The following FAT2 variants were observed in gnomAD, a reference collection of about 807,000 sequenced individuals.
FAT2 encodes protocadherin Fat 2.
Under a neutral mutation model 295.3 loss-of-function variants are expected in FAT2, and 150 were observed. The ratio of observed to expected loss-of-function variants is 0.51; its 90% CI spans 0.44 to 0.58. The LOEUF (loss-of-function observed/expected upper bound fraction) is 0.58, where lower values mean the gene tolerates loss of function less well. Ranked by LOEUF, FAT2 falls within the 20% of genes least tolerant of loss-of-function variation. The pLI is 0.00. For synonymous variants in FAT2, 2,026 were observed against 2,150.3 expected (o/e 0.94, Z 1.60); for missense variants, 4,868 against 5,442.7 (o/e 0.89, Z 3.32).
chr5:151,571,478 T>C (rs542625412), intron 1 of FAT2, among the ~76,000 whole-genome samples: 1 of 152,210 alleles, frequency 6.6e-6, no homozygotes, highest in Non-Finnish European at 1.5e-5. Flanking sequence ...CTCTGCTCGA[T>C]GGCTGCACCG....
At position 151,566,226 on chromosome 5, in the gene FAT2, G is replaced by A. The variant is rs1004929668; in HGVS notation, c.2706C>T (p.Gly902=). The A allele has an allele frequency of 4.3e-6, 7 of 1,614,046 alleles. No homozygotes were observed. In the African/African-American group the frequency reaches 9.3e-5, roughly 22 times the overall value. The part of the protein sequence containing the change: ...KVEARDQPSK[G]HQLFSVTDLI... ...GGTCAGTGACAGAGAAGAGCTGGTGGCCTTTGCTGGGCTGATCCCTGGCCT... is the reference window on the plus strand; with the variant it reads ...GGTCAGTGACAGAGAAGAGCTGGTGACCTTTGCTGGGCTGATCCCTGGCCT... Residue 902 remains glycine (G), a synonymous_variant, in exon 2 of 24, where the codon GGC becomes GGT. Transcript: ENST00000261800.
In FAT2 at chr5:151,542,413, CG is replaced by C; in HGVS notation, c.8713del (p.Arg2905AspfsTer24). 1 of 1,614,148 alleles carries C rather than the reference CG, an allele frequency of 6.2e-7. No individual in the cohort carries two copies. The highest frequency in any genetic ancestry group is 8.5e-7 in the Non-Finnish European group (1 of 1,180,036). Reference protein sequence around the residue: ...SITDENDNAPRFASEEYRGSV... With the variant: ...SITDENDNAPXFASEEYRGSV... ...TCCTCTGTACTCTTCAGAAGCAAAT[CG>C]GGGAGCATTGTCATTCTCATCTGTA... On this transcript the variant is annotated frameshift_variant, in exon 10 of 24. Coordinates refer to ENST00000261800, the MANE Select transcript of FAT2 (RefSeq NM_001447.3). LOFTEE classifies it high-confidence loss of function.
chr5:151,506,036 G>T lies in FAT2; in HGVS notation c.12579C>A (p.Tyr4193Ter). Residue 4193 changes from tyrosine to a stop codon, truncating the protein, a stop_gained, in exon 24 of 24, where the codon TAC (tyrosine) becomes TAA (stop). Transcript: ENST00000261800. LOFTEE classifies it high-confidence loss of function. ...PTYSRNERWE[Y>*]PHSEVTQGPL... ...GGCCCTGAGTCACTTCGGAGTGGGG[G>T]TATTCCCAGCGTTCGTTCCTGGAGT... 1 of 1,567,446 alleles carries T rather than the reference G, an allele frequency of 6.4e-7. No homozygotes were observed. The highest frequency in any genetic ancestry group is 8.6e-7 in the Non-Finnish European group (1 of 1,161,806).
Position 151,567,760 on chromosome 5 carries a change from G to T in FAT2, c.1172C>A (p.Pro391His), listed in dbSNP as rs368986052. The change falls in exon 2 of 24, where the codon CCC (proline) becomes CAC (histidine). Residue 391 changes from proline to histidine, a missense_variant. Around this residue, in one of 5 missense-constraint regions of FAT2, gnomAD observed 3,297 missense variants for 3,669.4 expected, o/e 0.90. Transcript: ENST00000261800. ...VVMVRVTPAF[P>H]NLQYVLKPSS... ...TGGCTTTAGAACATACTGCAGGTTG[G>T]GGAAGGCTGGGGTGACTCTCACCAT... 3 of 1,614,032 alleles carry T rather than the reference G, an allele frequency of 1.9e-6. No homozygotes were observed. In the African/African-American group the frequency reaches 4.0e-5, roughly 22 times the overall value.
intron 9 of FAT2, among the ~76,000 whole-genome samples, chr5:151,547,187 G>GA (rs1044791027): frequency 5.9e-5 from 9 of 152,076 alleles, no homozygotes; most frequent in Admixed American, 5.2e-4. Flanking sequence ...AGAAGTCAAA[G>GA]AAAAAATACC....
At position 151,566,270 on chromosome 5, in the gene FAT2, G is replaced by A. The variant is rs776181007; in HGVS notation, c.2662C>T (p.Arg888Trp). The part of the protein sequence containing the change: ...TGHLDRESEP[R>W]YILKVEARDQ... Reference sequence around the variant, plus strand: ...CTGGCCTCCACCTTGAGTATGTACCGAGGCTCTGATTCGCGGTCCAGGTGT... The same window carrying A: ...CTGGCCTCCACCTTGAGTATGTACCAAGGCTCTGATTCGCGGTCCAGGTGT... The change falls in exon 2 of 24, where the codon CGG becomes TGG. Residue 888 changes from arginine (R) to tryptophan (W), a missense_variant. This residue lies in a region of FAT2 where 3,297 missense variants were observed against 3,669.4 expected (regional missense o/e 0.90). Coordinates refer to ENST00000261800, the MANE Select transcript of FAT2 (RefSeq NM_001447.3). 2.2e-5 allele frequency: 36 copies of A among 1,613,996 alleles called. 1 individual carries two copies. Among genetic ancestry groups the A allele is most frequent in the Middle Eastern group, 1.6e-4 (1 of 6,082 alleles).
At chr5:151,580,076 G>A (rs182560990) in intron 1 of FAT2, among the ~76,000 whole-genome samples, 1 of 152,174 alleles carries the variant, frequency 6.6e-6, no homozygotes, top group Non-Finnish European at 1.5e-5. Context: ...CCAGAAAAAG[G>A]AAGGGGTCAC....
In FAT2 at chr5:151,566,479, G is replaced by T; in HGVS notation, c.2453C>A (p.Pro818His). The T allele has an allele frequency of 1.9e-6, 3 of 1,613,808 alleles. No homozygotes were observed. The highest frequency in any genetic ancestry group is 2.5e-6 in the Non-Finnish European group (3 of 1,179,902). ...CTGGTACCCACCGGGAGGAAATCTG[G>T]GTGCGTTGTCATTCCAGTCTTTCAC... is the stretch of plus-strand genomic sequence containing the variant. ...VNVKDWNDNA[P>H]RFPPGGYQLT... is the part of the protein sequence containing the mutation. Residue 818 changes from proline to histidine, a missense_variant, in exon 2 of 24, where the codon CCC becomes CAC. Around this residue, in one of 5 missense-constraint regions of FAT2, gnomAD observed 3,297 missense variants for 3,669.4 expected, o/e 0.90. Transcript: ENST00000261800.
chr5:151,512,017 G>T lies in FAT2; in HGVS notation c.11905+148C>A. 1 of 675,484 alleles carries T rather than the reference G, an allele frequency of 1.5e-6. No individual in the cohort carries two copies. The highest frequency in any genetic ancestry group is 2.5e-6 in the Non-Finnish European group (1 of 393,708). The allele number at this position is 675,484 out of a possible 1,614,324, so 41.8% of individuals were successfully genotyped here. On this transcript the variant is annotated intron_variant, in intron 21 of 23. Coordinates refer to ENST00000261800, the MANE Select transcript of FAT2 (RefSeq NM_001447.3). The surrounding 1 kb of genome is among the most constrained non-coding windows in gnomAD (Gnocchi z 4.1). ...CCTGGCTTCCCCTAGTCTAGATATTGCAGATTCCAACCTGTTACTCACAAG... is the reference window on the plus strand; with the variant it reads ...CCTGGCTTCCCCTAGTCTAGATATTTCAGATTCCAACCTGTTACTCACAAG...
chr5:151,557,120 G>A (rs1757768167), intron 3 of FAT2, among the ~76,000 whole-genome samples: 1 of 152,154 alleles, frequency 6.6e-6, no homozygotes, highest in African/African-American at 2.4e-5. Context: ...TAGGGTTACT[G>A]GTGCACAAGG....
chr5:151,566,316 A>G lies in FAT2; in HGVS notation c.2616T>C (p.Thr872=). Residue 872 remains threonine (T), a synonymous_variant, in exon 2 of 24, where the codon ACT becomes ACC. Coordinates refer to ENST00000261800, the MANE Select transcript of FAT2 (RefSeq NM_001447.3). ...PTEKFSLHPL[T]GELVVTGHLD... The stretch of plus-strand genomic sequence containing the variant: ...GGTGTCCTGTAACAACCAGTTCCCC[A>G]GTGAGAGGGTGGAGGGAGAACTTCT... 1.2e-6 allele frequency: 2 copies of G among 1,613,964 alleles called. No homozygotes were observed. Among genetic ancestry groups the G allele is most frequent in the Non-Finnish European group, 1.7e-6 (2 of 1,179,976 alleles).
intron 12 of FAT2, among the ~76,000 whole-genome samples, chr5:151,536,622 G>T (rs1215426450): frequency 6.6e-6 from 1 of 152,218 alleles, no homozygotes; most frequent in Non-Finnish European, 1.5e-5. Context: ...GGCCTACCCT[G>T]CAGGAATCTC....
Position 151,568,104 on chromosome 5 carries a change from C to CAGT in FAT2, c.825_827dup (p.Leu276dup), listed in dbSNP as rs1418859250. On this transcript the variant is annotated inframe_insertion, in exon 2 of 24. Transcript: ENST00000261800. ...CAGCTCCTGAGCTATTTGCATCGAC[C>CAGT]AGTACAGTGGCATAGGTGGTACCAT... The CAGT allele has an allele frequency of 6.2e-7, 1 of 1,614,076 alleles. No individual in the cohort carries two copies. Among genetic ancestry groups the CAGT allele is most frequent in the Non-Finnish European group, 8.5e-7 (1 of 1,180,052 alleles).
chr5:151,505,356 T>G lies in FAT2; in HGVS notation c.*209A>C, dbSNP rs999788775. On this transcript the variant is annotated 3_prime_UTR_variant, in exon 24 of 24. Coordinates refer to ENST00000261800, the MANE Select transcript of FAT2 (RefSeq NM_001447.3). ...AAATGCCCCTCTCCTGGGACCCTAG[T>G]GCTGTTTCTGGAGCTCTATCCTCAG... is the stretch of plus-strand genomic sequence containing the variant. The G allele has an allele frequency of 1.6e-6, 1 of 622,682 alleles. No individual in the cohort carries two copies. The allele number at this position is 622,682 out of a possible 1,614,324, so 38.6% of individuals were successfully genotyped here.
At chr5:151,535,807 T>C (rs1206283943) in intron 12 of FAT2, among the ~76,000 whole-genome samples, 1 of 152,006 alleles carries the variant, frequency 6.6e-6, no homozygotes, top group African/African-American at 2.4e-5. Flanking sequence ...GTAGATAGTG[T>C]TGGAATTGAA....
intron 16 of FAT2, 118 bp downstream of exon 16, chr5:151,527,878 G>A: frequency 7.6e-7 from 1 of 1,323,180 alleles, no homozygotes; most frequent in South Asian, 1.4e-5. Context: ...GAGACATTCT[G>A]GGAAGGTCTG....
intron 1 of FAT2, among the ~76,000 whole-genome samples, chr5:151,588,450 C>A (rs540756204): frequency 6.6e-6 from 1 of 152,348 alleles, no homozygotes; most frequent in South Asian, 2.1e-4. Context: ...CCGTTACCAA[C>A]TGTCTGACTC....
chr5:151,571,888 C>T (rs1758542953), intron 1 of FAT2, among the ~76,000 whole-genome samples: 1 of 152,200 alleles, frequency 6.6e-6, no homozygotes, highest in Non-Finnish European at 1.5e-5. Context: ...AAACTCCTTG[C>T]CCTGGCCTAG....
At chr5:151,526,773 C>A (rs959070666) in intron 17 of FAT2, among the ~76,000 whole-genome samples, 1 of 152,110 alleles carries the variant, frequency 6.6e-6, no homozygotes, top group African/African-American at 2.4e-5. Flanking sequence ...AGAACTCTGC[C>A]TTTTTATTCA....
Sources: allele counts gnomAD v4.1 joint callset (sites outside exome capture counted in the v4.1 genomes callset), GRCh38; gene constraint gnomAD v4.1.1; regional missense constraint gnomAD v4.1.1; non-coding constraint Gnocchi (gnomAD v3.1); transcripts MANE v1.5; gene names NCBI Gene and HGNC (gene_info 2026-07-23, HGNC 2026-07-21).